Variants in SH3BGRL observed in about 807,000 individuals in gnomAD.
SH3BGRL encodes SH3 domain binding glutamate rich protein like, also known as adapter SH3BGRL.
Under a neutral mutation model 9.8 loss-of-function variants are expected in SH3BGRL, and 7 were observed. The ratio of observed to expected loss-of-function variants is 0.72; its 90% CI spans 0.41 to 1.35. The LOEUF (loss-of-function observed/expected upper bound fraction) is 1.35, where lower values mean the gene tolerates loss of function less well. Among genes scored for constraint, SH3BGRL ranks in the 40% most tolerant of loss-of-function variants. The pLI, the probability that SH3BGRL is intolerant of heterozygous loss-of-function variation, is 0.01. For synonymous variants in SH3BGRL, 36 were observed against 29.1 expected (o/e 1.24, Z -0.76); for missense variants, 73 against 84.4 (o/e 0.86, Z 0.53).
chrX:81,242,302 C>T (rs2075672681), intron 1 of SH3BGRL, among the ~76,000 whole-genome samples: 1 of 112,022 alleles, frequency 8.9e-6, no homozygotes, highest in Admixed American at 9.4e-5. Flanking sequence ...CTGCCATGAA[C>T]ATACACTGGG....
chrX:81,215,132 A>G (rs906463271), intron 1 of SH3BGRL, among the ~76,000 whole-genome samples: 1 of 110,370 alleles, frequency 9.1e-6, no homozygotes, highest in African/African-American at 3.3e-5. Context: ...TTCCATATCA[A>G]TGACATTATT....
At position 81,252,054 on chromosome X, in the gene SH3BGRL, A is replaced by C. The variant is rs767279654; in HGVS notation, c.46-24930A>C. ...GTTACTTAGGTGTTGGTCTGTTTCA[A>C]ATCTATTGTGAAAAAGTTGCAGTAT... On this transcript the variant is annotated intron_variant, in intron 1 of 3. Coordinates refer to ENST00000373212, the MANE Select transcript of SH3BGRL (RefSeq NM_003022.3). 1.1e-4 allele frequency among the ~76,000 whole-genome samples: 12 copies of C among 112,273 alleles called. No individual in the cohort carries two copies. In the South Asian group the frequency reaches 3.7e-3, roughly 34 times the overall value.
rs1714647974 is a variant in SH3BGRL at position 81,223,155 on chromosome X, C to A, written c.45+20910C>A. ...TTCACTCTGATGGTGGTTTCTTTTG[C>A]TGTGCAGAAGCTCTTTAGTTTAATT... is the stretch of plus-strand genomic sequence containing the variant. On this transcript the variant is annotated intron_variant, in intron 1 of 3. Transcript: ENST00000373212. Among the ~76,000 whole-genome samples, 4 of 111,386 alleles carry A rather than the reference C, an allele frequency of 3.6e-5. No individual in the cohort carries two copies. In the South Asian group the frequency reaches 1.5e-3, roughly 42 times the overall value.
At chrX:81,242,027 T>G (rs2075671765) in intron 1 of SH3BGRL, among the ~76,000 whole-genome samples, 1 of 112,450 alleles carries the variant, frequency 8.9e-6, no homozygotes, top group African/African-American at 3.2e-5. Flanking sequence ...TCCAGGCCAG[T>G]AGCATGAGCC....
chrX:81,285,605 A>T (rs1411882060), intron 3 of SH3BGRL, among the ~76,000 whole-genome samples: 1 of 112,139 alleles, frequency 8.9e-6, no homozygotes, highest in Non-Finnish European at 1.9e-5. Context: ...CATATTTAAC[A>T]AGAGGTTCAA....
chrX:81,225,469 A>G (rs1404726626), intron 1 of SH3BGRL, among the ~76,000 whole-genome samples: 1 of 110,688 alleles, frequency 9.0e-6, no homozygotes, highest in Non-Finnish European at 1.9e-5. Flanking sequence ...GACTATGTGT[A>G]TTCTTTGTTT....
At chrX:81,269,113 T>C (rs183779529) in intron 1 of SH3BGRL, among the ~76,000 whole-genome samples, 26 of 111,791 alleles carry the variant, frequency 2.3e-4, no homozygotes, top group African/African-American at 8.5e-4. Flanking sequence ...TGTTTGTCTC[T>C]GCATGTGAGA....
At position 81,207,035 on chromosome X, in the gene SH3BGRL, A is replaced by T. The variant is rs151230157; in HGVS notation, c.45+4790A>T. 2.5e-3 allele frequency among the ~76,000 whole-genome samples: 286 copies of T among 112,451 alleles called. 2 individuals are homozygous for T. Among genetic ancestry groups the T allele is most frequent in the African/African-American group, 8.5e-3 (264 of 30,992 alleles). ...TAAATTTACATTTAATGGAAAATGA[A>T]TAGTAATCTCAGAGCCTATATAAGT... On this transcript the variant is annotated intron_variant, in intron 1 of 3. Coordinates refer to ENST00000373212, the MANE Select transcript of SH3BGRL (RefSeq NM_003022.3).
chrX:81,236,878 GGAGGGAGAGAGAGAGGCT>G (rs1232875043), intron 1 of SH3BGRL, among the ~76,000 whole-genome samples: 1 of 102,954 alleles, frequency 9.7e-6, no homozygotes, highest in Admixed American at 1.1e-4. Flanking sequence ...AGGGAAGGAC[GGAGGGAGAGAGAGAGGCT>G]GAGGGAGAGA....
In SH3BGRL at chrX:81,278,325, A is replaced by G. The variant is rs183678671; in HGVS notation, c.232-6A>G. 838 of 1,155,991 alleles carry G rather than the reference A, an allele frequency of 7.2e-4. No individual in the cohort carries two copies. The highest frequency in any genetic ancestry group is 9.2e-4 in the Non-Finnish European group (784 of 856,012). On this transcript the variant is annotated splice_region_variant and splice_polypyrimidine_tract_variant and intron_variant, in intron 2 of 3. Transcript: ENST00000373212. ...TGCTAATTCATCTTATCTTCTTTTC[A>G]TCAAGGACTATGATGCCTTCTTTGA...
intron 3 of SH3BGRL, among the ~76,000 whole-genome samples, chrX:81,287,087 C>A (rs762944667): frequency 1.8e-5 from 2 of 111,072 alleles, no homozygotes; most frequent in East Asian, 5.7e-4. Flanking sequence ...GATAGTGTGT[C>A]ACTTTAGGGA....
intron 1 of SH3BGRL, among the ~76,000 whole-genome samples, chrX:81,215,377 G>C (rs927831259): frequency 2.7e-5 from 3 of 111,027 alleles, no homozygotes; most frequent in African/African-American, 9.8e-5. Flanking sequence ...TTTGTGCTTA[G>C]GAATTATCTT....
chrX:81,217,645 T>G (rs2075585394), intron 1 of SH3BGRL, among the ~76,000 whole-genome samples: 2 of 111,450 alleles, frequency 1.8e-5, no homozygotes, highest in Non-Finnish European at 3.8e-5. Flanking sequence ...TTTCTTAAAT[T>G]TATTGAGACT....
At chrX:81,206,214 G>A (rs990568898) in intron 1 of SH3BGRL, among the ~76,000 whole-genome samples, 1 of 110,526 alleles carries the variant, frequency 9.0e-6, no homozygotes, top group Non-Finnish European at 1.9e-5. Flanking sequence ...AAGCTTTTTA[G>A]CTTAATATAG....
chrX:81,233,962 C>T lies in SH3BGRL; in HGVS notation c.45+31717C>T, dbSNP rs1349193227. 7.2e-5 allele frequency among the ~76,000 whole-genome samples: 8 copies of T among 111,823 alleles called. No individual in the cohort carries two copies. The Admixed American group carries it at 7.6e-4, about 11-fold the overall frequency. ...TACTTTCCTCATTTGGCAGGCCCAT[C>T]TTAACTGCCTAGATATTTTTAAATG... On this transcript the variant is annotated intron_variant, in intron 1 of 3. Transcript: ENST00000373212.
intron 1 of SH3BGRL, among the ~76,000 whole-genome samples, chrX:81,243,824 G>T (rs937190653): frequency 9.0e-6 from 1 of 111,309 alleles, no homozygotes; most frequent in Non-Finnish European, 1.9e-5. Flanking sequence ...AAGAACTCAT[G>T]TCCCTCTTTT....
At chrX:81,252,253 T>C (rs1186338419) in intron 1 of SH3BGRL, among the ~76,000 whole-genome samples, 1 of 112,048 alleles carries the variant, frequency 8.9e-6, no homozygotes. Context: ...CTTTAAATTT[T>C]AGAGAGTTTA....
chrX:81,231,770 T>C (rs2075633553), intron 1 of SH3BGRL, among the ~76,000 whole-genome samples: 1 of 112,444 alleles, frequency 8.9e-6, no homozygotes. Context: ...TGGCAAGCCA[T>C]TAGCAAACAC....
chrX:81,204,201 A>G (rs1244315381), intron 1 of SH3BGRL, among the ~76,000 whole-genome samples: 1 of 112,183 alleles, frequency 8.9e-6, no homozygotes, highest in East Asian at 2.8e-4. Flanking sequence ...TACTGTAGTA[A>G]TTATAGTTCA....
Sources: gnomAD v4.1 joint callset for allele counts (sites outside exome capture counted in the v4.1 genomes callset) on GRCh38, gnomAD v4.1.1 for gene constraint, MANE v1.5 for transcripts, NCBI Gene and HGNC (gene_info 2026-07-23, HGNC 2026-07-21) for gene names.